Variants in CSMD2 observed in about 807,000 individuals in gnomAD.
The protein encoded by CSMD2 is CUB and sushi domain-containing protein 2.
CSMD2 carries 130 observed loss-of-function variants against 398.5 expected under a neutral mutation model. That is an observed-to-expected ratio of 0.33 (90% CI 0.28 to 0.38). The LOEUF (loss-of-function observed/expected upper bound fraction) is 0.38. Among genes scored for constraint, CSMD2 ranks in the 10% least tolerant of loss-of-function variants. The pLI, the probability that CSMD2 is intolerant of heterozygous loss-of-function variation, is 1.00. For synonymous variants in CSMD2, 1,828 were observed against 1,908.5 expected, an observed-to-expected ratio of 0.96 and a Z score of 1.10; for missense variants, 3,829 against 4,764.9, an observed-to-expected ratio of 0.80 and a Z score of 5.78.
intron 28 of CSMD2, among the ~76,000 whole-genome samples, chr1:33,647,429 T>A (rs1232838611): frequency 6.6e-6 from 1 of 152,198 alleles, no homozygotes; most frequent in Non-Finnish European, 1.5e-5. Context: ...AAATCCATTT[T>A]AAAAACTTAG....
At chr1:34,093,249 C>A (rs1364917357) in intron 1 of CSMD2, among the ~76,000 whole-genome samples, 4 of 152,186 alleles carry the variant, frequency 2.6e-5, no homozygotes, top group African/African-American at 9.7e-5. Flanking sequence ...ACAACAAAAA[C>A]CCATCTGTAC....
At chr1:33,837,439 T>C (rs1052934795) in intron 6 of CSMD2, among the ~76,000 whole-genome samples, 3 of 133,194 alleles carry the variant, frequency 2.3e-5, no homozygotes, top group African/African-American at 6.0e-5. Context: ...GATATTATAC[T>C]GAACCACTTG....
At chr1:34,132,250 CT>C (rs904402792) in intron 1 of CSMD2, among the ~76,000 whole-genome samples, 4 of 152,106 alleles carry the variant, frequency 2.6e-5, no homozygotes, top group African/African-American at 9.7e-5. Flanking sequence ...CCTCGTCCTG[CT>C]GACCCTTAGT....
intron 1 of CSMD2, among the ~76,000 whole-genome samples, chr1:34,145,075 G>T (rs1639646574): frequency 6.6e-6 from 1 of 152,318 alleles, no homozygotes; most frequent in Middle Eastern, 3.4e-3. Flanking sequence ...GACTGCATGA[G>T]AAACTTTAGC....
At chr1:33,667,118 T>A (rs1380899440) in intron 25 of CSMD2, among the ~76,000 whole-genome samples, 1 of 152,094 alleles carries the variant, frequency 6.6e-6, no homozygotes, top group Non-Finnish European at 1.5e-5. Flanking sequence ...AGTCTCAAAA[T>A]TAGCTATGGG....
In CSMD2 at chr1:33,809,174, T is replaced by C. The variant is rs139513036; in HGVS notation, c.1446+1569A>G. 1.4e-4 allele frequency among the ~76,000 whole-genome samples: 22 copies of C among 152,086 alleles called. No homozygotes were observed. In the South Asian group the frequency reaches 2.3e-3, roughly 16 times the overall value. ...AGAAAGAGAGGAAATACTCTTCAAA[T>C]CATTTTCTGAGGCTAGCAATATATT... is the stretch of plus-strand genomic sequence containing the variant. On this transcript the variant is annotated intron_variant, in intron 10 of 70. Transcript: ENST00000373381.
At chr1:33,937,752 CT>C (rs1242362424) in intron 3 of CSMD2, among the ~76,000 whole-genome samples, 1 of 152,196 alleles carries the variant, frequency 6.6e-6, no homozygotes, top group Non-Finnish European at 1.5e-5. Context: ...CTCTCTGAGC[CT>C]TAGTTTCTTC....
At chr1:33,731,067 G>A (rs1163873929) in intron 15 of CSMD2, among the ~76,000 whole-genome samples, 3 of 152,128 alleles carry the variant, frequency 2.0e-5, no homozygotes, top group African/African-American at 7.2e-5. Context: ...ACTAGCCAAT[G>A]ACACAATTTG....
chr1:33,746,344 G>A (rs1393548842), intron 13 of CSMD2, among the ~76,000 whole-genome samples: 1 of 152,160 alleles, frequency 6.6e-6, no homozygotes, highest in South Asian at 2.1e-4. Flanking sequence ...GCAAGTCCAA[G>A]GCAGATGAAG....
At chr1:33,568,675 T>A (rs541905086) in intron 52 of CSMD2, among the ~76,000 whole-genome samples, 14 of 152,304 alleles carry the variant, frequency 9.2e-5, no homozygotes, top group African/African-American at 3.1e-4. Flanking sequence ...TTGGGTAGAA[T>A]ATATTCCTGG....
Position 33,533,182 on chromosome 1 carries a change from C to G in CSMD2, c.10039G>C (p.Ala3347Pro). ...TAGCCCATGGAGGGCAAATCCAGGG[C>G]CCCGACGTTGGCATGCGTTGGCGTC... is the stretch of plus-strand genomic sequence containing the variant. ...PETPTHANVGALDLPSMGYTL... is the reference protein window; with the variant it reads ...PETPTHANVGPLDLPSMGYTL... Residue 3347 changes from alanine to proline, a missense_variant, in exon 64 of 71, where the codon GCC (alanine) becomes CCC (proline). Around this residue, in one of 5 missense-constraint regions of CSMD2, gnomAD observed 917 missense variants for 1,199.5 expected, o/e 0.76. Transcript: ENST00000373381. The surrounding 1 kb of genome is among the most constrained non-coding windows in gnomAD (Gnocchi z 4.2). 2 of 1,614,006 alleles carry G rather than the reference C, an allele frequency of 1.2e-6. No homozygotes were observed. The highest frequency in any genetic ancestry group is 1.7e-6 in the Non-Finnish European group (2 of 1,180,008).
intron 32 of CSMD2, among the ~76,000 whole-genome samples, chr1:33,629,116 C>G (rs1454091822): frequency 1.5e-4 from 22 of 148,796 alleles, no homozygotes; most frequent in Admixed American, 1.5e-3. Flanking sequence ...CAGACACCAG[C>G]AGGGATAAAT....
intron 3 of CSMD2, among the ~76,000 whole-genome samples, chr1:34,000,926 A>G (rs1646880923): frequency 6.7e-6 from 1 of 149,880 alleles, no homozygotes; most frequent in Admixed American, 6.7e-5. Flanking sequence ...GAGAAGAGAG[A>G]GGAGGTAGAA....
rs189037274 is a variant in CSMD2 at position 33,636,828 on chromosome 1, T to C, written c.4775-274A>G. Among the ~76,000 whole-genome samples, 43 of 152,286 alleles carry C rather than the reference T, an allele frequency of 2.8e-4. No individual in the cohort carries two copies. The highest frequency in any genetic ancestry group is 3.4e-3 in the Middle Eastern group (1 of 294). On this transcript the variant is annotated intron_variant, in intron 29 of 70. Coordinates refer to ENST00000373381, the MANE Select transcript of CSMD2 (RefSeq NM_001281956.2). This position sits in a 1 kb window ranked among gnomAD's most constrained non-coding sequence, Gnocchi z 4.8. The stretch of plus-strand genomic sequence containing the variant: ...GAGGAAGGAGGCCCAGCAAAATCGC[T>C]GAGGCCCTCTCTCATCCCCTGCTTG...
intron 25 of CSMD2, among the ~76,000 whole-genome samples, chr1:33,687,078 C>T (rs1482561745): frequency 6.6e-6 from 1 of 152,174 alleles, no homozygotes; most frequent in Admixed American, 6.5e-5. Context: ...GCACAGAGGG[C>T]TTAAAGAGTT....
At chr1:34,024,131 CT>C (rs1402087508) in intron 3 of CSMD2, among the ~76,000 whole-genome samples, 1 of 152,230 alleles carries the variant, frequency 6.6e-6, no homozygotes, top group Non-Finnish European at 1.5e-5. Context: ...GCCCTTACTT[CT>C]CTCCCAACAT....
intron 3 of CSMD2, among the ~76,000 whole-genome samples, chr1:34,031,362 T>C (rs79275305): frequency 0.093 from 14,175 of 152,156 alleles, 1,058 homozygotes; most frequent in East Asian, 0.33. Context: ...CACACCCGGC[T>C]GAGATCTGAT....
intron 1 of CSMD2, among the ~76,000 whole-genome samples, chr1:34,153,451 G>A (rs964958672): frequency 4.6e-5 from 7 of 152,224 alleles, no homozygotes; most frequent in African/African-American, 1.7e-4. Context: ...CCACTCATCT[G>A]CACATGGACA....
At chr1:33,937,493 C>T (rs1346336106) in intron 3 of CSMD2, among the ~76,000 whole-genome samples, 1 of 152,114 alleles carries the variant, frequency 6.6e-6, no homozygotes, top group East Asian at 1.9e-4. Context: ...CTCTAAATGG[C>T]CCCCCTAGTC....
Sources: allele counts gnomAD v4.1 joint callset (sites outside exome capture counted in the v4.1 genomes callset), GRCh38; gene constraint gnomAD v4.1.1; regional missense constraint gnomAD v4.1.1; non-coding constraint Gnocchi (gnomAD v3.1); transcripts MANE v1.5; gene names NCBI Gene and HGNC (gene_info 2026-07-23, HGNC 2026-07-21).